The following CNTNAP5 variants were observed in gnomAD, a reference collection of about 807,000 sequenced individuals.
CNTNAP5 encodes contactin associated protein family member 5.
In CNTNAP5, 72 loss-of-function variants were observed where a neutral mutation model predicts 150.2. The observed-to-expected ratio is 0.48, with a 90% CI of 0.40 to 0.58. The LOEUF (loss-of-function observed/expected upper bound fraction) is 0.58, where lower values mean the gene tolerates loss of function less well. Ranked by LOEUF, CNTNAP5 falls within the 20% of genes least tolerant of loss-of-function variation. The pLI, the probability that CNTNAP5 is intolerant of heterozygous loss-of-function variation, is 0.00. For missense variants in CNTNAP5, 1,636 were observed against 1,626.2 expected (o/e 1.01, Z -0.10); for synonymous variants, 672 against 619.8 (o/e 1.08, Z -1.25).
At chr2:124,582,885 T>G (rs529026653) in intron 11 of CNTNAP5, among the ~76,000 whole-genome samples, 1 of 152,348 alleles carries the variant, frequency 6.6e-6, no homozygotes, top group East Asian at 1.9e-4. Flanking sequence ...CTTCCTTATA[T>G]GATGATTTTG....
chr2:124,044,936 A>G (rs1681486840), intron 1 of CNTNAP5, among the ~76,000 whole-genome samples: 1 of 151,246 alleles, frequency 6.6e-6, no homozygotes, highest in Admixed American at 6.6e-5. Flanking sequence ...ACACACATGA[A>G]TAAGTGAGGC....
chr2:124,303,325 A>G (rs569121475), intron 3 of CNTNAP5, among the ~76,000 whole-genome samples: 1 of 152,336 alleles, frequency 6.6e-6, no homozygotes, highest in South Asian at 2.1e-4. Context: ...CTATGTATTC[A>G]GTCATGATAC....
intron 1 of CNTNAP5, among the ~76,000 whole-genome samples, chr2:124,187,848 G>A (rs1015909291): frequency 8.5e-5 from 13 of 152,130 alleles, no homozygotes; most frequent in Admixed American, 2.0e-4. Context: ...TTTCAAATCC[G>A]AGATAAGGTT....
intron 21 of CNTNAP5, among the ~76,000 whole-genome samples, chr2:124,874,908 C>A (rs1382473456): frequency 1.3e-5 from 2 of 152,124 alleles, no homozygotes; most frequent in East Asian, 3.9e-4. Flanking sequence ...AGGCATTATT[C>A]TTCTGCTCCA....
chr2:124,326,320 C>T (rs552515951), intron 3 of CNTNAP5, among the ~76,000 whole-genome samples: 1 of 152,128 alleles, frequency 6.6e-6, no homozygotes, highest in African/African-American at 2.4e-5. Context: ...TTTTAAAGCA[C>T]TAAACTTGTT....
intron 4 of CNTNAP5, among the ~76,000 whole-genome samples, chr2:124,425,719 A>G (rs141403240): frequency 1.3e-5 from 2 of 151,942 alleles, no homozygotes; most frequent in African/African-American, 4.8e-5. Context: ...GATCACCATA[A>G]TGCTTCCCTG....
At chr2:124,185,265 T>A (rs1244359562) in intron 1 of CNTNAP5, among the ~76,000 whole-genome samples, 1 of 152,168 alleles carries the variant, frequency 6.6e-6, no homozygotes, top group African/African-American at 2.4e-5. Context: ...CTGCACAAGG[T>A]TCCTCTCTGA....
intron 2 of CNTNAP5, among the ~76,000 whole-genome samples, chr2:124,230,452 T>A (rs1686586152): frequency 6.6e-6 from 1 of 151,984 alleles, no homozygotes; most frequent in Non-Finnish European, 1.5e-5. Context: ...CCATAGAATA[T>A]ATATCTAATC....
chr2:124,905,828 T>C (rs1296969260), intron 22 of CNTNAP5, among the ~76,000 whole-genome samples: 1 of 152,122 alleles, frequency 6.6e-6, no homozygotes, highest in Non-Finnish European at 1.5e-5. Context: ...GTTTGAATAA[T>C]GTGGGCAGGA....
At chr2:124,677,976 T>C (rs1181014529) in intron 13 of CNTNAP5, among the ~76,000 whole-genome samples, 1 of 151,958 alleles carries the variant, frequency 6.6e-6, no homozygotes, top group African/African-American at 2.4e-5. Context: ...CCCCAAGAAT[T>C]CTGCGTTGCA....
chr2:124,052,399 T>C (rs1681722223), intron 1 of CNTNAP5, among the ~76,000 whole-genome samples: 1 of 152,168 alleles, frequency 6.6e-6, no homozygotes, highest in African/African-American at 2.4e-5. Flanking sequence ...AGATGTGAGT[T>C]AACAGGACAC....
At chr2:124,445,399 A>G (rs904876141) in intron 5 of CNTNAP5, among the ~76,000 whole-genome samples, 2 of 152,214 alleles carry the variant, frequency 1.3e-5, no homozygotes, top group Non-Finnish European at 2.9e-5. Flanking sequence ...TACCCGGCTC[A>G]TAATACCTTT....
intron 5 of CNTNAP5, among the ~76,000 whole-genome samples, chr2:124,439,824 T>C (rs956574877): frequency 5.9e-5 from 9 of 152,170 alleles, no homozygotes; most frequent in African/African-American, 2.2e-4. Context: ...TTATTCTGTG[T>C]CATGTCCTCC....
At chr2:124,564,333 A>G (rs1695962242) in intron 11 of CNTNAP5, among the ~76,000 whole-genome samples, 1 of 151,966 alleles carries the variant, frequency 6.6e-6, no homozygotes, top group African/African-American at 2.4e-5. Flanking sequence ...ATGAGCCTTG[A>G]TTTTTTATTT....
intron 1 of CNTNAP5, among the ~76,000 whole-genome samples, chr2:124,162,128 TA>T: frequency 6.6e-6 from 1 of 152,248 alleles, no homozygotes; most frequent in Middle Eastern, 3.4e-3. Flanking sequence ...TTTCTCTCTG[TA>T]AAAATGCCAC....
intron 10 of CNTNAP5, among the ~76,000 whole-genome samples, chr2:124,539,528 T>C (rs991123800): frequency 6.6e-6 from 1 of 152,222 alleles, no homozygotes; most frequent in African/African-American, 2.4e-5. Context: ...AGCCCAATCT[T>C]GGACACAATG....
chr2:124,636,674 A>G (rs908506959), intron 12 of CNTNAP5, among the ~76,000 whole-genome samples: 2 of 151,718 alleles, frequency 1.3e-5, no homozygotes, highest in Non-Finnish European at 2.9e-5. Context: ...CTGTGTGTGT[A>G]TGTGTTGGTG....
At chr2:124,432,793 C>T (rs1338694051) in intron 4 of CNTNAP5, among the ~76,000 whole-genome samples, 1 of 152,144 alleles carries the variant, frequency 6.6e-6, no homozygotes, top group Non-Finnish European at 1.5e-5. Context: ...ACAACTGAAT[C>T]AAAATTGAAA....
chr2:124,546,046 C>T (rs1032253102), intron 10 of CNTNAP5, among the ~76,000 whole-genome samples: 2 of 152,112 alleles, frequency 1.3e-5, no homozygotes, highest in African/African-American at 4.8e-5. Flanking sequence ...TTGGACCCTA[C>T]AATCCCAGAG....
Sources: gnomAD v4.1 joint callset for allele counts (sites outside exome capture counted in the v4.1 genomes callset) on GRCh38, gnomAD v4.1.1 for gene constraint, MANE v1.5 for transcripts, NCBI Gene and HGNC (gene_info 2026-07-23, HGNC 2026-07-21) for gene names.